Variants in CECR2 observed in about 807,000 individuals in gnomAD.
CECR2 encodes CECR2 histone acetyl-lysine reader.
CECR2 carries 30 observed loss-of-function variants against 154.5 expected under a neutral mutation model. The observed-to-expected ratio is 0.19, with a 90% confidence interval of 0.15 to 0.26. CECR2 has a LOEUF of 0.26. Among genes scored for constraint, CECR2 ranks in the 10% least tolerant of loss-of-function variants. CECR2 has a pLI of 1.00. For missense variants in CECR2, 1,743 were observed against 1,829.3 expected, an observed-to-expected ratio of 0.95 and a Z score of 0.86; for synonymous variants, 725 against 683.7, an observed-to-expected ratio of 1.06 and a Z score of -0.94.
At chr22:17,510,298 CTTAAAG>C (rs1370584159) in intron 7 of CECR2, among the ~76,000 whole-genome samples, 6 of 152,198 alleles carry the variant, frequency 3.9e-5, no homozygotes, top group African/African-American at 1.4e-4. Flanking sequence ...TTTTACTGTA[CTTAAAG>C]TTGAAGAGAT....
chr22:17,545,374 CAAAAAAAA>C (rs695493), intron 16 of CECR2, among the ~76,000 whole-genome samples: 11 of 46,442 alleles, frequency 2.4e-4, no homozygotes, highest in Non-Finnish European at 3.8e-5. Flanking sequence ...GACTCCGTCT[CAAAAAAAA>C]AAAAAAAAAA....
At chr22:17,404,279 CAAA>C (rs375565396) in intron 1 of CECR2, among the ~76,000 whole-genome samples, 4,841 of 62,824 alleles carry the variant, frequency 0.077, 344 homozygotes, top group East Asian at 0.23. Flanking sequence ...ACCCCCCTGC[CAAA>C]AAAAAAAAAA....
intron 1 of CECR2, among the ~76,000 whole-genome samples, chr22:17,400,108 T>G (rs1032954162): frequency 3.9e-5 from 6 of 152,226 alleles, no homozygotes; most frequent in African/African-American, 1.4e-4. Flanking sequence ...TTAGTCTTAG[T>G]TTCCTCATTT....
chr22:17,546,476 ACT>A (rs1569156918), intron 16 of CECR2, among the ~76,000 whole-genome samples: 1 of 131,414 alleles, frequency 7.6e-6, no homozygotes, highest in Non-Finnish European at 1.5e-5. Flanking sequence ...ACAGAGCGAG[ACT>A]CTGTCTCAAA....
At chr22:17,467,919 G>C (rs2055061209) in intron 1 of CECR2, among the ~76,000 whole-genome samples, 1 of 152,228 alleles carries the variant, frequency 6.6e-6, no homozygotes, top group Admixed American at 6.5e-5. Flanking sequence ...TTGAGACCAT[G>C]AGCTGATGTG....
rs544708810 is a variant in CECR2, at chr22:17,552,906, G to C, written c.*66G>C. ...ACGAAGACTGGAATGTGGAGAACTG[G>C]GGAGTGCCCTGTCAGCTCTATTCCC... On this transcript the variant is annotated 3_prime_UTR_variant, in exon 19 of 19. Coordinates refer to ENST00000262608, the MANE Select transcript of CECR2 (RefSeq NM_001290047.2). The C allele has an allele frequency of 1.0e-5, 16 of 1,539,570 alleles. No individual in the cohort carries two copies. The highest frequency in any genetic ancestry group is 4.2e-5 in the Admixed American group (2 of 48,082).
intron 8 of CECR2, among the ~76,000 whole-genome samples, chr22:17,519,292 GTT>G (rs80083383): frequency 9.6e-5 from 11 of 114,622 alleles, no homozygotes; most frequent in Admixed American, 5.0e-4. Flanking sequence ...GGTGTTTTGT[GTT>G]TTTTTTTTTT....
chr22:17,419,479 A>G, intron 1 of CECR2: 1 of 204,150 alleles, frequency 4.9e-6, no homozygotes, highest in East Asian at 1.1e-4. Context: ...GAAGACTCAG[A>G]AACAGAGCCT....
chr22:17,382,830 A>G (rs2063214416), intron 1 of CECR2, among the ~76,000 whole-genome samples: 1 of 152,300 alleles, frequency 6.6e-6, no homozygotes, highest in Admixed American at 6.5e-5. Context: ...GCTTGAGTCC[A>G]GGAGGCGGAG....
intron 1 of CECR2, among the ~76,000 whole-genome samples, chr22:17,458,612 C>T (rs2054890446): frequency 6.6e-6 from 1 of 151,446 alleles, no homozygotes; most frequent in East Asian, 1.9e-4. Flanking sequence ...GTTTATATAA[C>T]CTATAATTAT....
At chr22:17,377,019 CTG>C (rs2063126885) in intron 1 of CECR2, among the ~76,000 whole-genome samples, 1 of 152,190 alleles carries the variant, frequency 6.6e-6, no homozygotes, top group Non-Finnish European at 1.5e-5. Flanking sequence ...AGGCAGATGA[CTG>C]TGGGTTTCAG....
intron 1 of CECR2, among the ~76,000 whole-genome samples, chr22:17,361,769 A>C (rs1419341063): frequency 6.6e-6 from 1 of 151,526 alleles, no homozygotes; most frequent in Non-Finnish European, 1.5e-5. Context: ...AAAGAGAGAG[A>C]GAGTGACTGG....
intron 1 of CECR2, among the ~76,000 whole-genome samples, chr22:17,375,565 A>G (rs1398044257): frequency 6.6e-6 from 1 of 152,200 alleles, no homozygotes; most frequent in Non-Finnish European, 1.5e-5. Flanking sequence ...AGTGGGGTGG[A>G]GGCTTGCACA....
chr22:17,493,694 G>T (rs1207856430), intron 2 of CECR2, among the ~76,000 whole-genome samples: 1 of 152,244 alleles, frequency 6.6e-6, no homozygotes. Context: ...TGTTGGGAAG[G>T]AATCTGAAAC....
In CECR2 at chr22:17,508,106, C is replaced by G. The variant is rs191426371; in HGVS notation, c.870+3090C>G. On this transcript the variant is annotated intron_variant, in intron 7 of 18. Transcript: ENST00000262608. ...GTATATACAATAATGCCCCAAGTAACCATGTTTTGGTCAATGACAAACCAT... is the reference window on the plus strand; with the variant it reads ...GTATATACAATAATGCCCCAAGTAAGCATGTTTTGGTCAATGACAAACCAT... Among the ~76,000 whole-genome samples, 21 of 152,296 alleles carry G rather than the reference C, an allele frequency of 1.4e-4. No homozygotes were observed. The East Asian group carries it at 2.9e-3, about 21-fold the overall frequency.
intron 7 of CECR2, among the ~76,000 whole-genome samples, chr22:17,509,305 G>C (rs2055899717): frequency 6.6e-6 from 1 of 152,096 alleles, no homozygotes; most frequent in Non-Finnish European, 1.5e-5. Context: ...TGGAAGAGGG[G>C]TTAATGTGGT....
chr22:17,368,159 A>G (rs1158979710), upstream of CECR2, among the ~76,000 whole-genome samples: 2 of 151,274 alleles, frequency 1.3e-5, no homozygotes, highest in East Asian at 4.1e-4. Context: ...AAATACAACA[A>G]GTTATTATCA....
chr22:17,551,845 G>A (rs2268780), intron 17 of CECR2, among the ~76,000 whole-genome samples, 186 bp from the exon 18 acceptor site: 24,693 of 152,124 alleles, frequency 0.16, 2,160 homozygotes, highest in Admixed American at 0.25. Context: ...GAGTGCAGTA[G>A]GTGGTGCGTG....
chr22:17,497,604 A>G lies in CECR2; in HGVS notation c.405+18A>G, dbSNP rs950616054. 5 of 1,610,408 alleles carry G rather than the reference A, an allele frequency of 3.1e-6. No homozygotes were observed. The highest frequency in any genetic ancestry group is 4.2e-6 in the Non-Finnish European group (5 of 1,176,946). On this transcript the variant is annotated intron_variant, in intron 3 of 18. Transcript: ENST00000262608. Reference sequence around the variant, plus strand: ...TTCTAAAGGTATGCTTAACTGGCGAACCTTTCCCTGTAGCTGTGAAAAGCC... The same window carrying G: ...TTCTAAAGGTATGCTTAACTGGCGAGCCTTTCCCTGTAGCTGTGAAAAGCC...
Sources: gnomAD v4.1 joint callset for allele counts (sites outside exome capture counted in the v4.1 genomes callset) on GRCh38, gnomAD v4.1.1 for gene constraint, MANE v1.5 for transcripts, NCBI Gene and HGNC (gene_info 2026-07-23, HGNC 2026-07-21) for gene names.